Variants in ELMO1 observed in about 807,000 individuals in gnomAD.
ELMO1 encodes engulfment and cell motility protein 1.
Under a neutral mutation model 98.9 loss-of-function variants are expected in ELMO1, and 26 were observed. That is an observed-to-expected ratio of 0.26 (90% CI 0.19 to 0.36). The LOEUF is 0.36. ELMO1 is among the 10% of genes least tolerant of loss of function. ELMO1 has a pLI of 1.00. For missense variants in ELMO1, 627 were observed against 935.2 expected, an observed-to-expected ratio of 0.67 and a Z score of 4.30; for synonymous variants, 346 against 346.0, an observed-to-expected ratio of 1.00 and a Z score of 0.00.
chr7:37,163,958 T>A (rs1444597258), intron 13 of ELMO1, among the ~76,000 whole-genome samples: 1 of 152,236 alleles, frequency 6.6e-6, no homozygotes, highest in Admixed American at 6.5e-5. Flanking sequence ...CCACCAACAG[T>A]GTAATAGTGT....
intron 16 of ELMO1, among the ~76,000 whole-genome samples, chr7:36,999,771 T>TTGTG (rs552713929): frequency 7.3e-5 from 11 of 151,548 alleles, no homozygotes; most frequent in East Asian, 3.9e-4. Flanking sequence ...CATGTCATCT[T>TTGTG]TGTGTGTGTG....
At chr7:37,060,317 C>T (rs550500296) in intron 15 of ELMO1, among the ~76,000 whole-genome samples, 1 of 152,292 alleles carries the variant, frequency 6.6e-6, no homozygotes, top group East Asian at 1.9e-4. Context: ...CCATGGAATA[C>T]TACACAGCCA....
intron 13 of ELMO1, among the ~76,000 whole-genome samples, chr7:37,165,858 A>C (rs1224712192): frequency 6.6e-6 from 1 of 152,130 alleles, no homozygotes; most frequent in African/African-American, 2.4e-5. Context: ...TCATAAAATG[A>C]GTTAGGGAGG....
intron 16 of ELMO1, among the ~76,000 whole-genome samples, chr7:36,931,258 G>A (rs1402827464): frequency 2.0e-5 from 3 of 152,208 alleles, no homozygotes; most frequent in African/African-American, 4.8e-5. Context: ...ACTGGAATAG[G>A]GTCCTGTGGT....
intron 14 of ELMO1, among the ~76,000 whole-genome samples, chr7:37,119,534 CATG>C (rs767105067): frequency 6.6e-6 from 1 of 152,100 alleles, no homozygotes; most frequent in Non-Finnish European, 1.5e-5. Flanking sequence ...TGCATTGCAT[CATG>C]AGGAGGAAAA....
At chr7:37,432,502 C>CT (rs1269425102) in intron 1 of ELMO1, among the ~76,000 whole-genome samples, 11 of 152,304 alleles carry the variant, frequency 7.2e-5, no homozygotes, top group Admixed American at 2.6e-4. Flanking sequence ...CAGCTCTGCA[C>CT]TTGAACATCA....
intron 1 of ELMO1, among the ~76,000 whole-genome samples, chr7:37,406,583 T>C (rs564844269): frequency 2.0e-5 from 3 of 151,518 alleles, no homozygotes; most frequent in South Asian, 2.1e-4. Context: ...GCAGCTACCA[T>C]CACGCCCGGA....
At chr7:37,222,836 T>C (rs1793670563) in intron 9 of ELMO1, 143 bp from the exon 10 acceptor site, 3 of 664,742 alleles carry the variant, frequency 4.5e-6, no homozygotes, top group African/African-American at 1.8e-5. Context: ...AAAATGCATT[T>C]TGCACTGAGA....
chr7:37,098,617 T>C (rs7798097), intron 14 of ELMO1, among the ~76,000 whole-genome samples: 23,080 of 152,158 alleles, frequency 0.15, 2,228 homozygotes, highest in African/African-American at 0.27. Flanking sequence ...ATGCACTCAG[T>C]CTGCCCAAGC....
intron 10 of ELMO1, among the ~76,000 whole-genome samples, chr7:37,220,232 C>T (rs1464728320): frequency 6.6e-6 from 1 of 152,158 alleles, no homozygotes; most frequent in East Asian, 1.9e-4. Flanking sequence ...TCATGATACT[C>T]CCTTTATTTT....
chr7:37,106,271 G>A (rs1162818836), intron 14 of ELMO1, among the ~76,000 whole-genome samples: 2 of 152,178 alleles, frequency 1.3e-5, no homozygotes. Context: ...CAATGCAACA[G>A]TATTAAGGGT....
intron 1 of ELMO1, among the ~76,000 whole-genome samples, chr7:37,443,378 T>G (rs934763589): frequency 1.3e-5 from 2 of 152,246 alleles, no homozygotes; most frequent in African/African-American, 4.8e-5. Flanking sequence ...AATCAGTGTT[T>G]GTGGGGGCCC....
intron 13 of ELMO1, among the ~76,000 whole-genome samples, chr7:37,189,021 T>C (rs1269811645): frequency 6.6e-6 from 1 of 152,238 alleles, no homozygotes; most frequent in Non-Finnish European, 1.5e-5. Context: ...ACCAAGGAAC[T>C]GTGCTTCTAG....
At chr7:37,035,383 T>A (rs1403171702) in intron 15 of ELMO1, among the ~76,000 whole-genome samples, 1 of 152,220 alleles carries the variant, frequency 6.6e-6, no homozygotes, top group Non-Finnish European at 1.5e-5. Flanking sequence ...TTCAAGTCTA[T>A]AGCTATGCTT....
At chr7:37,293,766 CAAAAAAA>C (rs56775177) in intron 4 of ELMO1, among the ~76,000 whole-genome samples, 5 of 100,882 alleles carry the variant, frequency 5.0e-5, no homozygotes, top group South Asian at 3.3e-4. Flanking sequence ...ACTCTATATC[CAAAAAAA>C]AAAAAAAAAA....
chr7:37,337,852 G>T (rs983039993), intron 2 of ELMO1, among the ~76,000 whole-genome samples: 2 of 152,126 alleles, frequency 1.3e-5, no homozygotes, highest in Non-Finnish European at 2.9e-5. Context: ...CTCAGAAATG[G>T]TGAGTGGCCA....
chr7:37,013,233 G>A (rs2129172751), intron 16 of ELMO1, 66 bp downstream of exon 16: 2 of 1,590,128 alleles, frequency 1.3e-6, no homozygotes, highest in East Asian at 2.3e-5. Context: ...ACACAGCCAA[G>A]GGACCATGCA....
At chr7:37,160,501 C>A (rs1384195857) in intron 13 of ELMO1, among the ~76,000 whole-genome samples, 2 of 152,184 alleles carry the variant, frequency 1.3e-5, no homozygotes, top group African/African-American at 2.4e-5. Flanking sequence ...CCCACTGGCA[C>A]CCTGATGTGA....
chr7:37,213,478 T>C, intron 11 of ELMO1, 21 bp from the exon 12 acceptor site: 1 of 1,593,198 alleles, frequency 6.3e-7, no homozygotes, highest in Non-Finnish European at 8.5e-7. Context: ...GGTTCACAAA[T>C]GAAATTTTTT....
Sources: gnomAD v4.1 joint callset for allele counts (sites outside exome capture counted in the v4.1 genomes callset) on GRCh38, gnomAD v4.1.1 for gene constraint, MANE v1.5 for transcripts, NCBI Gene and HGNC (gene_info 2026-07-23, HGNC 2026-07-21) for gene names.